Variants in PFAS observed in about 807,000 individuals in gnomAD.
The protein encoded by PFAS is FGAM synthase.
Under a neutral mutation model 140.6 loss-of-function variants are expected in PFAS, and 97 were observed. The ratio of observed to expected loss-of-function variants is 0.69; its 90% CI spans 0.59 to 0.82. PFAS has a LOEUF of 0.82. Among genes scored for constraint, PFAS ranks in the 40% least tolerant of loss-of-function variants. The pLI, the probability that PFAS is intolerant of heterozygous loss-of-function variation, is 0.00. For missense variants in PFAS, 1,656 were observed against 1,780.2 expected (o/e 0.93, Z 1.26); for synonymous variants, 679 against 718.8 (o/e 0.94, Z 0.88).
At position 8,265,604 on chromosome 17, in the gene PFAS, C is replaced by G; in HGVS notation, c.2510C>G (p.Thr837Ser). ...GCCGTCTGCCCAGACATCACAGCCA[C>G]TGTGACCCCAGACCTCAAGCATCCT... ...AYAVCPDITA[T>S]VTPDLKHPEG... The change falls in exon 20 of 28, where the codon ACT becomes AGT. Residue 837 changes from threonine to serine, a missense_variant. Coordinates refer to ENST00000314666, the MANE Select transcript of PFAS (RefSeq NM_012393.3). 2.5e-6 allele frequency: 4 copies of G among 1,614,134 alleles called. No individual in the cohort carries two copies. Among genetic ancestry groups the G allele is most frequent in the Non-Finnish European group, 2.5e-6 (3 of 1,179,988 alleles).
rs749299439 is a variant in PFAS at position 8,262,896 on chromosome 17, T to C, written c.1337-24T>C. On this transcript the variant is annotated intron_variant, in intron 11 of 27. Transcript: ENST00000314666. Reference sequence around the variant, plus strand: ...TCTTCTCGTGGCTTCCCCAGTGTTCTGATTCTGCCTTCCCTTCTTACAGGC... The same window carrying C: ...TCTTCTCGTGGCTTCCCCAGTGTTCCGATTCTGCCTTCCCTTCTTACAGGC... The C allele has an allele frequency of 3.1e-6, 5 of 1,603,562 alleles. No homozygotes were observed. In the African/African-American group the frequency reaches 5.4e-5, roughly 17 times the overall value.
Position 8,267,614 on chromosome 17 carries a change from G to A in PFAS, c.3331G>A (p.Val1111Met), listed in dbSNP as rs746989300. ...AATTGGGCTGGACACTTTCCGTGGC[G>A]TGGCCTTCGTGGGCGGCTTCAGCTA... ...GAIGLDTFRG[V>M]AFVGGFSYAD... Residue 1111 changes from valine to methionine, a missense_variant, in exon 26 of 28, where the codon GTG (valine) becomes ATG (methionine). Around this residue, in one of 2 missense-constraint regions of PFAS, gnomAD observed 883 missense variants for 1,023.0 expected, o/e 0.86. Coordinates refer to ENST00000314666, the MANE Select transcript of PFAS (RefSeq NM_012393.3). This position sits in a 1 kb window ranked among gnomAD's most constrained non-coding sequence, Gnocchi z 4.9. 11 of 1,613,072 alleles carry A rather than the reference G, an allele frequency of 6.8e-6. No homozygotes were observed. The highest frequency in any genetic ancestry group is 3.3e-5 in the Admixed American group (2 of 60,006).
chr17:8,261,848 C>T (rs570025819), intron 11 of PFAS, among the ~76,000 whole-genome samples: 6 of 151,556 alleles, frequency 4.0e-5, no homozygotes, highest in East Asian at 1.9e-4. Context: ...TGAGCTCAAG[C>T]GATCCGCCCG....
chr17:8,269,806 CAG>C lies in PFAS; in HGVS notation c.*543_*544del, dbSNP rs1355547416. The C allele has an allele frequency of 6.6e-6, 1 of 152,432 alleles. No individual in the cohort carries two copies. The highest frequency in any genetic ancestry group is 1.5e-5 in the Non-Finnish European group (1 of 68,438). 9.4% of individuals were successfully genotyped at this position (152,432 alleles called of 1,614,324 possible). Reference sequence around the variant, plus strand: ...GGAATTGTTGCTTGTGGAAGTTTCTCAGCGTTTCTGGCTGTCTTAGGGCTGGC... The same window carrying C: ...GGAATTGTTGCTTGTGGAAGTTTCTCCGTTTCTGGCTGTCTTAGGGCTGGC... On this transcript the variant is annotated 3_prime_UTR_variant, in exon 28 of 28. Transcript: ENST00000314666.
chr17:8,260,270 C>A (rs1989540305), intron 11 of PFAS, among the ~76,000 whole-genome samples: 1 of 152,108 alleles, frequency 6.6e-6, no homozygotes, highest in African/African-American at 2.4e-5. Flanking sequence ...CACCAGCGTG[C>A]CACGATGCCA....
rs561594422 is a variant in PFAS, at chr17:8,265,338, G to C, written c.2331G>C (p.Glu777Asp). The change falls in exon 19 of 28, where the codon GAG (glutamate) becomes GAC (aspartate). Residue 777 changes from glutamate (E) to aspartate (D), a missense_variant. Physicochemically the swap from Glu to Asp is conservative, Grantham distance 45. Transcript: ENST00000314666. Reference sequence around the variant, plus strand: ...TGTGGGCAGCCAAGCTCCCAGGGGAGGGCGCAGCTTTGGCGGATGCCTGTG... The same window carrying C: ...TGTGGGCAGCCAAGCTCCCAGGGGACGGCGCAGCTTTGGCGGATGCCTGTG... ...NWMWAAKLPG[E>D]GAALADACEA... 1 of 1,614,186 alleles carries C rather than the reference G, an allele frequency of 6.2e-7. No homozygotes were observed. Among genetic ancestry groups the C allele is most frequent in the South Asian group, 1.1e-5 (1 of 91,088 alleles).
chr17:8,255,509 AC>A lies in PFAS; in HGVS notation c.398del (p.Pro133ArgfsTer17). ...TTRRYRLSFA[H>X]PPSAEVEAIA... Reference sequence around the variant, plus strand: ...GTGTGTCTGCACCCCTAGTTTGCCCACCCCCCGTCAGCTGAGGTGGAAGCCA... The same window carrying A: ...GTGTGTCTGCACCCCTAGTTTGCCCACCCCCGTCAGCTGAGGTGGAAGCCA... On this transcript the variant is annotated frameshift_variant, in exon 5 of 28. Transcript: ENST00000314666. LOFTEE classifies it high-confidence loss of function. 1.3e-6 allele frequency: 2 copies of A among 1,513,560 alleles called. No individual in the cohort carries two copies. The highest frequency in any genetic ancestry group is 2.3e-5 in the Admixed American group (1 of 43,750). The allele number at this position is 1,513,560 out of a possible 1,614,324, so 93.8% of individuals were successfully genotyped here.
At position 8,263,214 on chromosome 17, in the gene PFAS, C is replaced by T. The variant is rs1046292119; in HGVS notation, c.1516C>T (p.Pro506Ser). Residue 506 changes from proline (P) to serine (S), a missense_variant, in exon 13 of 28, where the codon CCC becomes TCC. Around this residue, in one of 2 missense-constraint regions of PFAS, gnomAD observed 773 missense variants for 757.3 expected, o/e 1.02. Transcript: ENST00000314666. Reference sequence around the variant, plus strand: ...TGTGATCAGGGCTTGTGTGGAGGCCCCCAAGGGAAACCCCATCTGCAGCCT... The same window carrying T: ...TGTGATCAGGGCTTGTGTGGAGGCCTCCAAGGGAAACCCCATCTGCAGCCT... The part of the protein sequence containing the change: ...NRVIRACVEA[P>S]KGNPICSLHD... 18 of 1,613,970 alleles carry T rather than the reference C, an allele frequency of 1.1e-5. No homozygotes were observed. The highest frequency in any genetic ancestry group is 4.5e-5 in the East Asian group (2 of 44,888).
chr17:8,254,845 C>G (rs140704244), intron 3 of PFAS, among the ~76,000 whole-genome samples, 182 bp from the exon 4 acceptor site: 45 of 152,194 alleles, frequency 3.0e-4, no homozygotes, highest in African/African-American at 1.0e-3. Context: ...TGCTAGAGGA[C>G]AGTTTTGGTT....
rs913090347 is a variant in PFAS, at chr17:8,267,999, A to G, written c.3382+334A>G. Reference sequence around the variant, plus strand: ...TATATTATTTATATATTATTAAAATATATTATTTATATATATTATTTATAT... The same window carrying G: ...TATATTATTTATATATTATTAAAATGTATTATTTATATATATTATTTATAT... On this transcript the variant is annotated intron_variant, in intron 26 of 27. Transcript: ENST00000314666. This position sits in a 1 kb window ranked among gnomAD's most constrained non-coding sequence, Gnocchi z 4.9. Among the ~76,000 whole-genome samples, 28 of 141,154 alleles carry G rather than the reference A, an allele frequency of 2.0e-4. No homozygotes were observed. Among genetic ancestry groups the G allele is most frequent in the African/African-American group, 6.3e-4 (24 of 38,138 alleles). 92.6% of individuals were successfully genotyped at this position (141,154 alleles called of 152,430 possible). A position where few individuals can be genotyped will look rare whatever the true frequency, so the allele number is the denominator to read the frequency against.
In PFAS at chr17:8,266,907, G is replaced by C. The variant is rs750839605; in HGVS notation, c.2967+9G>C. ...CCGGGCCCCACGCCATGGTGAGGAA[G>C]TGAGGGAGAGAGCGGTGTGCAGTGG... On this transcript the variant is annotated intron_variant, in intron 23 of 27. Transcript: ENST00000314666. This position sits in a 1 kb window ranked among gnomAD's most constrained non-coding sequence, Gnocchi z 5.0. 1 of 1,601,484 alleles carries C rather than the reference G, an allele frequency of 6.2e-7. No individual in the cohort carries two copies. The highest frequency in any genetic ancestry group is 1.1e-5 in the South Asian group (1 of 90,082).
chr17:8,255,658 CG>C lies in PFAS; in HGVS notation c.543del (p.Ala183ArgfsTer13). 6.3e-7 allele frequency: 1 copy of C among 1,582,778 alleles called. No homozygotes were observed. The highest frequency in any genetic ancestry group is 8.6e-7 in the Non-Finnish European group (1 of 1,166,452). ...CCCTATCAATATACTGGGTGAGGGC[CG>C]GCTTGCGCTGGAGAAGGCCAACCAG... ...NGPINILGEG[R>X]LALEKANQEL... is the part of the protein sequence containing the mutation. On this transcript the variant is annotated frameshift_variant, in exon 5 of 28. Transcript: ENST00000314666. LOFTEE classifies it high-confidence loss of function.
In PFAS at chr17:8,266,008, C is replaced by A; in HGVS notation, c.2692C>A (p.Leu898Met). Residue 898 changes from leucine (L) to methionine (M), a missense_variant, in exon 21 of 28, where the codon CTG becomes ATG. Physicochemically the swap from Leu to Met is conservative, Grantham distance 15. This residue lies in a region of PFAS where 883 missense variants were observed against 1,023.0 expected (regional missense o/e 0.86). Transcript: ENST00000314666. The surrounding 1 kb of genome is among the most constrained non-coding windows in gnomAD (Gnocchi z 5.0). ...GCGGGCCTTCAGCATCACTCAGGGGCTGCTGAAAGGTGAGTGAAGACCCCT... is the reference window on the plus strand; with the variant it reads ...GCGGGCCTTCAGCATCACTCAGGGGATGCTGAAAGGTGAGTGAAGACCCCT... ...LVRAFSITQG[L>M]LKDRLLCSGH... 6.2e-7 allele frequency: 1 copy of A among 1,606,824 alleles called. No homozygotes were observed. The highest frequency in any genetic ancestry group is 8.5e-7 in the Non-Finnish European group (1 of 1,176,252).
chr17:8,262,356 C>A (rs1427543757), intron 11 of PFAS: 2 of 154,346 alleles, frequency 1.3e-5, no homozygotes, highest in Non-Finnish European at 2.9e-5. Flanking sequence ...TGATTTTATA[C>A]CTGTGCAAAT....
Position 8,269,052 on chromosome 17 carries a change from C to T in PFAS, c.3805C>T (p.Gln1269Ter), listed in dbSNP as rs757223978. 2 of 1,614,132 alleles carry T rather than the reference C, an allele frequency of 1.2e-6. No individual in the cohort carries two copies. The highest frequency in any genetic ancestry group is 1.7e-6 in the Non-Finnish European group (2 of 1,179,946). The change falls in exon 28 of 28, where the codon CAG (glutamine) becomes TAG (stop). Residue 1269 changes from glutamine to a stop codon, truncating the protein, a stop_gained. Coordinates refer to ENST00000314666, the MANE Select transcript of PFAS (RefSeq NM_012393.3). LOFTEE classifies it high-confidence loss of function. ...WADDDGNPTEQYPLNPNGSPG... is the reference protein window; with the variant it reads ...WADDDGNPTE ...TGATGATGACGGGAACCCCACAGAG[C>T]AGTACCCTCTGAATCCCAATGGGTC...
rs1989781114 is a variant in PFAS at position 8,265,587 on chromosome 17, C to T, written c.2493C>T (p.Cys831=). 6.2e-7 allele frequency: 1 copy of T among 1,614,010 alleles called. No individual in the cohort carries two copies. The highest frequency in any genetic ancestry group is 8.5e-7 in the Non-Finnish European group (1 of 1,179,980). The change falls in exon 20 of 28, where the codon TGC becomes TGT. Residue 831 remains cysteine, a synonymous_variant. Coordinates refer to ENST00000314666, the MANE Select transcript of PFAS (RefSeq NM_012393.3). ...TGGTCATCTCAGCCTATGCCGTCTG[C>T]CCAGACATCACAGCCACTGTGACCC... is the stretch of plus-strand genomic sequence containing the variant. ...GSLVISAYAV[C]PDITATVTPD...
chr17:8,263,371 C>T, intron 13 of PFAS, 106 bp downstream of exon 13: 1 of 1,246,628 alleles, frequency 8.0e-7, no homozygotes, highest in Non-Finnish European at 1.2e-6. Context: ...AGCTCTGGGT[C>T]CCATTCTCCA....
intron 1 of PFAS, among the ~76,000 whole-genome samples, chr17:8,251,551 G>A (rs1362721435): frequency 6.6e-6 from 1 of 152,060 alleles, no homozygotes; most frequent in African/African-American, 2.4e-5. Context: ...CTCCCAAAGT[G>A]CTGGGATTAC....
At chr17:8,247,974 A>C, upstream of PFAS, 1 of 1,603,270 alleles carries the variant, frequency 6.2e-7, no homozygotes, top group Non-Finnish European at 8.5e-7. Context: ...ACAAGAAAAA[A>C]GGAACAAGAG....
Sources: allele counts gnomAD v4.1 joint callset (sites outside exome capture counted in the v4.1 genomes callset), GRCh38; gene constraint gnomAD v4.1.1; regional missense constraint gnomAD v4.1.1; non-coding constraint Gnocchi (gnomAD v3.1); transcripts MANE v1.5; gene names NCBI Gene and HGNC (gene_info 2026-07-23, HGNC 2026-07-21).